Variants in PCGF5 observed in about 807,000 individuals in gnomAD.
PCGF5 encodes polycomb group ring finger 5, also known as polycomb group RING finger protein 5.
Under a neutral mutation model 44.3 loss-of-function variants are expected in PCGF5, and 9 were observed. That is an observed-to-expected ratio of 0.20 (90% CI 0.12 to 0.35). The LOEUF (loss-of-function observed/expected upper bound fraction) is 0.35. Among genes scored for constraint, PCGF5 ranks in the 10% least tolerant of loss-of-function variants. The probability of loss-of-function intolerance (pLI) is 1.00; values close to 1 mark genes in which losing one functional copy is unlikely to be tolerated. For synonymous variants in PCGF5, 95 were observed against 102.5 expected (o/e 0.93, Z 0.44); for missense variants, 146 against 305.3 (o/e 0.48, Z 3.89).
intron 1 of PCGF5, among the ~76,000 whole-genome samples, chr10:91,184,240 G>A (rs1215310620): frequency 1.3e-5 from 2 of 152,084 alleles, no homozygotes; most frequent in East Asian, 1.9e-4. Context: ...CATATTTCTT[G>A]GAGGTTTTGT....
intron 3 of PCGF5, among the ~76,000 whole-genome samples, chr10:91,246,847 A>G (rs890937704): frequency 6.6e-5 from 10 of 152,138 alleles, no homozygotes; most frequent in African/African-American, 1.4e-4. Context: ...AGATGAGACA[A>G]TCTTGACATA....
At chr10:91,218,034 G>A (rs1187406265), upstream of PCGF5, among the ~76,000 whole-genome samples, 2 of 152,132 alleles carry the variant, frequency 1.3e-5, no homozygotes, top group African/African-American at 4.8e-5. Context: ...TGATCTGCCC[G>A]CCTTGGCCTC....
At chr10:91,237,115 C>T (rs1444896830) in intron 2 of PCGF5, among the ~76,000 whole-genome samples, 2 of 152,104 alleles carry the variant, frequency 1.3e-5, no homozygotes, top group Non-Finnish European at 2.9e-5. Context: ...ATTCTCTACT[C>T]ATTTTTTTAT....
At chr10:91,211,776 A>C (rs1844456749) in intron 1 of PCGF5, among the ~76,000 whole-genome samples, 1 of 152,204 alleles carries the variant, frequency 6.6e-6, no homozygotes, top group Non-Finnish European at 1.5e-5. Context: ...CACTGTGTTC[A>C]AGGGATAGTG....
intron 6 of PCGF5, among the ~76,000 whole-genome samples, chr10:91,260,168 C>T (rs1052890382): frequency 1.0e-4 from 14 of 133,896 alleles, no homozygotes; most frequent in Non-Finnish European, 2.2e-4. Flanking sequence ...ACAGACACTT[C>T]TCAAAAGAAG....
chr10:91,157,018 T>G, the PCGF5 span, among the ~76,000 whole-genome samples: 5 of 152,234 alleles, frequency 3.3e-5, no homozygotes, highest in Non-Finnish European at 5.9e-5. Flanking sequence ...CTAGTTGACC[T>G]TAAGCAAGTT....
intron 1 of PCGF5, among the ~76,000 whole-genome samples, chr10:91,179,748 A>G (rs1843784247): frequency 6.6e-6 from 1 of 152,188 alleles, no homozygotes; most frequent in African/African-American, 2.4e-5. Context: ...CCAGTCTGTC[A>G]TTGATGGGCA....
Position 91,264,521 on chromosome 10 carries a change from G to A in PCGF5, c.663+1G>A. The A allele has an allele frequency of 6.2e-7, 1 of 1,601,356 alleles. No individual in the cohort carries two copies. Among genetic ancestry groups the A allele is most frequent in the Non-Finnish European group, 8.5e-7 (1 of 1,172,290 alleles). ...AAGATGGCGACTAAGAGGCGAAAAC[G>A]TAAATTGCTTTTATATTTACCTATG... On this transcript the variant is annotated splice_donor_variant, in intron 8 of 9. Transcript: ENST00000336126. LOFTEE classifies it high-confidence loss of function.
At chr10:91,247,744 C>T (rs1349911301) in intron 3 of PCGF5, among the ~76,000 whole-genome samples, 3 of 152,082 alleles carry the variant, frequency 2.0e-5, no homozygotes, top group Non-Finnish European at 4.4e-5. Flanking sequence ...CTAAATTTCT[C>T]AGAAGAGAGG....
chr10:91,223,127 A>C, intron 2 of PCGF5, 144 bp downstream of exon 2: 1 of 636,480 alleles, frequency 1.6e-6, no homozygotes, highest in Non-Finnish European at 2.7e-6. Flanking sequence ...GAATTTTCAG[A>C]ATATTTGTCA....
chr10:91,244,048 C>G (rs149824440), intron 3 of PCGF5, among the ~76,000 whole-genome samples: 1 of 152,066 alleles, frequency 6.6e-6, no homozygotes, highest in Admixed American at 6.6e-5. Flanking sequence ...GATCTTTGCC[C>G]TTGTAGATTT....
In PCGF5 at chr10:91,266,561, GA is replaced by G. The variant is rs372558761; in HGVS notation, c.663+2046del. ...CAGGTGGAAACTAAACCAATAAACAGAAAAATTACTACCTTTTACATTTAGT... is the reference window on the plus strand; with the variant it reads ...CAGGTGGAAACTAAACCAATAAACAGAAAATTACTACCTTTTACATTTAGT... On this transcript the variant is annotated intron_variant, in intron 8 of 9. Transcript: ENST00000336126. Among the ~76,000 whole-genome samples the G allele has an allele frequency of 3.9e-3, 588 of 152,244 alleles. 2 individuals carry two copies. Among genetic ancestry groups the G allele is most frequent in the African/African-American group, 0.014 (562 of 41,550 alleles).
At chr10:91,163,171 G>A (rs1843422445) in intron 1 of PCGF5, 1 of 149,992 alleles carries the variant, frequency 6.7e-6, no homozygotes, top group Admixed American at 6.6e-5. Context: ...CGGGGCCGGG[G>A]GGGAGGCCCC....
chr10:91,189,142 A>G (rs1843983213), intron 1 of PCGF5, among the ~76,000 whole-genome samples: 1 of 152,228 alleles, frequency 6.6e-6, no homozygotes, highest in Non-Finnish European at 1.5e-5. Flanking sequence ...GCTTTTGCAT[A>G]ATGGCCATGG....
At chr10:91,162,128 T>C (rs1007534853), upstream of PCGF5, among the ~76,000 whole-genome samples, 5 of 151,948 alleles carry the variant, frequency 3.3e-5, no homozygotes, top group African/African-American at 1.2e-4. Context: ...CAGACACATT[T>C]CAGGTGTTGT....
chr10:91,224,577 T>C (rs1844765758), intron 2 of PCGF5, among the ~76,000 whole-genome samples: 1 of 152,152 alleles, frequency 6.6e-6, no homozygotes, highest in South Asian at 2.1e-4. Context: ...AGGTAATTTA[T>C]AGTGGGTCAG....
chr10:91,234,501 T>C (rs951432540), intron 2 of PCGF5, among the ~76,000 whole-genome samples: 18 of 152,260 alleles, frequency 1.2e-4, no homozygotes, highest in African/African-American at 4.3e-4. Flanking sequence ...AGGGTAGAAA[T>C]GGCTAGGGTA....
At chr10:91,204,284 T>A (rs1844302412) in intron 1 of PCGF5, among the ~76,000 whole-genome samples, 1 of 152,064 alleles carries the variant, frequency 6.6e-6, no homozygotes, top group Non-Finnish European at 1.5e-5. Context: ...TAAATTGAAC[T>A]TATTGGATTA....
chr10:91,225,700 A>G (rs1006665094), intron 2 of PCGF5, among the ~76,000 whole-genome samples: 1 of 152,068 alleles, frequency 6.6e-6, no homozygotes, highest in Admixed American at 6.6e-5. Flanking sequence ...AGAAATATTT[A>G]TATACAAATA....
Sources: gnomAD v4.1 joint callset for allele counts (sites outside exome capture counted in the v4.1 genomes callset) on GRCh38, gnomAD v4.1.1 for gene constraint, MANE v1.5 for transcripts, NCBI Gene and HGNC (gene_info 2026-07-23, HGNC 2026-07-21) for gene names.